SSBP3: variants seen among roughly 807,000 people sequenced by gnomAD.
SSBP3 encodes single-stranded DNA-binding protein 3.
In SSBP3, 5 loss-of-function variants were observed where a neutral mutation model predicts 69.6. The observed-to-expected ratio is 0.07, with a 90% confidence interval of 0.04 to 0.15. The LOEUF (loss-of-function observed/expected upper bound fraction) is 0.15, where lower values mean the gene tolerates loss of function less well. Ranked by LOEUF, SSBP3 falls within the 10% of genes least tolerant of loss-of-function variation. The pLI, the probability that SSBP3 is intolerant of heterozygous loss-of-function variation, is 1.00. For synonymous variants in SSBP3, 196 were observed against 193.4 expected (o/e 1.01, Z -0.11); for missense variants, 312 against 534.0 (o/e 0.58, Z 4.10).
chr1:54,289,033 A>AAC lies in SSBP3; in HGVS notation c.277-7507_277-7506insGT, dbSNP rs1221591199. 1.6e-3 allele frequency among the ~76,000 whole-genome samples: 83 copies of AAC among 53,346 alleles called. 2 individuals are homozygous for AAC. Among genetic ancestry groups the AAC allele is most frequent in the African/African-American group, 2.2e-3 (18 of 8,150 alleles). 35.0% of individuals were successfully genotyped at this position (53,346 alleles called of 152,430 possible). A position where few individuals can be genotyped will look rare whatever the true frequency, so the allele number is the denominator to read the frequency against. ...AGACTCTGTCTCCAAAAAAAAAAAA[A>AAC]AAACAAAAAAACAAAAAAAAAAAAC... is the stretch of plus-strand genomic sequence containing the variant. On this transcript the variant is annotated intron_variant, in intron 4 of 17. Transcript: ENST00000610401.
At chr1:54,353,837 T>C (rs1225032383) in intron 4 of SSBP3, among the ~76,000 whole-genome samples, 2 of 152,220 alleles carry the variant, frequency 1.3e-5, no homozygotes, top group African/African-American at 2.4e-5. Flanking sequence ...CAGCAATGCA[T>C]AGACTCTGCT....
upstream of SSBP3, among the ~76,000 whole-genome samples, chr1:54,409,174 G>A (rs1191357863): frequency 1.3e-5 from 2 of 152,122 alleles, no homozygotes; most frequent in Non-Finnish European, 2.9e-5. Context: ...CCTGAAGTCT[G>A]TCTTCCTGGA....
intron 4 of SSBP3, among the ~76,000 whole-genome samples, chr1:54,371,347 C>T (rs576866361): frequency 2.0e-5 from 3 of 152,336 alleles, no homozygotes; most frequent in Admixed American, 1.3e-4. Flanking sequence ...TGGAAGAAAG[C>T]GTGTGTGGAT....
chr1:54,239,845 G>T (rs1644574337), intron 13 of SSBP3, among the ~76,000 whole-genome samples: 1 of 152,156 alleles, frequency 6.6e-6, no homozygotes, highest in Non-Finnish European at 1.5e-5. Context: ...AGGGGGCGGG[G>T]GAGAGTCCCC....
At chr1:54,316,702 AAAT>A (rs1391538532) in intron 4 of SSBP3, among the ~76,000 whole-genome samples, 2,829 of 113,650 alleles carry the variant, frequency 0.025, 67 homozygotes, top group African/African-American at 0.042. Context: ...ATAAATAAAT[AAAT>A]AAATAAAATA....
intron 4 of SSBP3, among the ~76,000 whole-genome samples, chr1:54,383,338 A>G (rs1647824430): frequency 6.6e-6 from 1 of 152,018 alleles, no homozygotes; most frequent in Non-Finnish European, 1.5e-5. Flanking sequence ...AGATCGCACC[A>G]CTGCACTCCA....
intron 9 of SSBP3, among the ~76,000 whole-genome samples, chr1:54,243,876 C>T (rs188752627): frequency 2.6e-5 from 4 of 152,292 alleles, no homozygotes; most frequent in East Asian, 1.9e-4. Flanking sequence ...GCTGGGAAGC[C>T]GGAGAAAACT....
At chr1:54,370,698 G>A (rs1294408387) in intron 4 of SSBP3, among the ~76,000 whole-genome samples, 3 of 152,272 alleles carry the variant, frequency 2.0e-5, no homozygotes, top group Non-Finnish European at 4.4e-5. Context: ...TCTACAAAGT[G>A]TCCAGTGCAG....
chr1:54,339,580 C>A (rs12044747), intron 4 of SSBP3, among the ~76,000 whole-genome samples: 8,140 of 151,058 alleles, frequency 0.054, 306 homozygotes, highest in South Asian at 0.13. Context: ...AAAAAAAAAA[C>A]ATCATTGCAG....
chr1:54,304,627 G>A (rs1462362098), intron 4 of SSBP3, among the ~76,000 whole-genome samples: 1 of 152,186 alleles, frequency 6.6e-6, no homozygotes, highest in Non-Finnish European at 1.5e-5. Flanking sequence ...GGGAGCAGGT[G>A]GTAAAAGGAC....
In SSBP3 at chr1:54,242,218, A is replaced by G. The variant is rs199692606; in HGVS notation, c.717-6T>C. 2.0e-5 allele frequency: 32 copies of G among 1,613,784 alleles called. No individual in the cohort carries two copies. In the East Asian group the frequency reaches 7.1e-4, roughly 36 times the overall value. On this transcript the variant is annotated splice_polypyrimidine_tract_variant and splice_region_variant and intron_variant, in intron 10 of 17. Coordinates refer to ENST00000610401, the Ensembl canonical transcript of SSBP3. ...GTCTGCCAGCTCCCGGGCCCCTGAGAGAGGGAGAAAGAGATGTGGACAATG... is the reference window on the plus strand; with the variant it reads ...GTCTGCCAGCTCCCGGGCCCCTGAGGGAGGGAGAAAGAGATGTGGACAATG...
intron 4 of SSBP3, among the ~76,000 whole-genome samples, chr1:54,363,507 T>C (rs1388668153): frequency 2.0e-5 from 3 of 152,296 alleles, no homozygotes; most frequent in Admixed American, 2.0e-4. Flanking sequence ...TCAACAAATT[T>C]ACCCTTCATT....
chr1:54,304,043 G>A (rs1252700990), intron 4 of SSBP3, among the ~76,000 whole-genome samples: 2 of 152,132 alleles, frequency 1.3e-5, no homozygotes, highest in East Asian at 3.9e-4. Context: ...ACAGGAGACC[G>A]GAGAAGGTGG....
At chr1:54,250,853 C>G (rs1414020102) in intron 9 of SSBP3, among the ~76,000 whole-genome samples, 1 of 152,216 alleles carries the variant, frequency 6.6e-6, no homozygotes, top group Non-Finnish European at 1.5e-5. Flanking sequence ...AGCAGAACAC[C>G]TGTCAGCGCC....
chr1:54,357,193 C>T (rs1476125364), intron 4 of SSBP3, among the ~76,000 whole-genome samples: 2 of 152,098 alleles, frequency 1.3e-5, no homozygotes. Context: ...AAAGGCAGTG[C>T]GAGTGAGGAA....
At chr1:54,261,719 G>C (rs938005706) in intron 5 of SSBP3, among the ~76,000 whole-genome samples, 3 of 152,222 alleles carry the variant, frequency 2.0e-5, no homozygotes, top group Non-Finnish European at 4.4e-5. Context: ...CATGAGAGCT[G>C]GATGCCTTCG....
At chr1:54,233,525 CGGGA>C (rs1240233972) in intron 14 of SSBP3, among the ~76,000 whole-genome samples, 1 of 147,506 alleles carries the variant, frequency 6.8e-6, no homozygotes, top group Non-Finnish European at 1.5e-5. Flanking sequence ...CCGCCCCGTC[CGGGA>C]GGGAGGTGGG....
intron 4 of SSBP3, among the ~76,000 whole-genome samples, chr1:54,312,557 A>T (rs1646022617): frequency 6.9e-6 from 1 of 144,092 alleles, no homozygotes; most frequent in Non-Finnish European, 1.5e-5. Context: ...CACTGCACTT[A>T]AAAAAAAAAA....
intron 4 of SSBP3, among the ~76,000 whole-genome samples, chr1:54,309,837 C>G (rs1645966960): frequency 6.6e-6 from 1 of 152,190 alleles, no homozygotes; most frequent in Non-Finnish European, 1.5e-5. Flanking sequence ...GAAGGCAGGA[C>G]AAAGAAGAGG....
Sources: allele counts gnomAD v4.1 joint callset (sites outside exome capture counted in the v4.1 genomes callset), GRCh38; gene constraint gnomAD v4.1.1; transcripts MANE v1.5; gene names NCBI Gene and HGNC (gene_info 2026-07-23, HGNC 2026-07-21).